Variants in AP3B1 observed in about 807,000 individuals in gnomAD.
The protein encoded by AP3B1 is AP-3 complex subunit beta-1.
AP3B1 carries 61 observed loss-of-function variants against 132.5 expected under a neutral mutation model. That is an observed-to-expected ratio of 0.46 (90% CI 0.37 to 0.57). AP3B1 has a LOEUF of 0.57. AP3B1 is among the 20% of genes least tolerant of loss of function. The pLI is 0.00. For missense variants in AP3B1, 1,120 were observed against 1,289.4 expected, an observed-to-expected ratio of 0.87 and a Z score of 2.01; for synonymous variants, 388 against 438.3, an observed-to-expected ratio of 0.89 and a Z score of 1.43.
intron 7 of AP3B1, among the ~76,000 whole-genome samples, chr5:78,213,175 G>C (rs145218966): frequency 2.0e-5 from 3 of 152,140 alleles, no homozygotes; most frequent in African/African-American, 7.2e-5. Context: ...CACCGCGCCC[G>C]GCCTCGTCTG....
At chr5:78,210,058 G>C (rs1362036768) in intron 7 of AP3B1, among the ~76,000 whole-genome samples, 1 of 152,030 alleles carries the variant, frequency 6.6e-6, no homozygotes. Flanking sequence ...TGAACCCTTT[G>C]TCAACAGTTA....
At chr5:78,111,839 G>A (rs1424056283) in intron 19 of AP3B1, among the ~76,000 whole-genome samples, 1 of 151,794 alleles carries the variant, frequency 6.6e-6, no homozygotes, top group Non-Finnish European at 1.5e-5. Flanking sequence ...ACTCTTCCTG[G>A]GTACATTATT....
chr5:78,181,658 T>A lies in AP3B1; in HGVS notation c.791A>T (p.Asp264Val). 1 of 1,611,870 alleles carries A rather than the reference T, an allele frequency of 6.2e-7. No individual in the cohort carries two copies. The highest frequency in any genetic ancestry group is 8.5e-7 in the Non-Finnish European group (1 of 1,179,394). The change falls in exon 8 of 27, where the codon GAT becomes GTT. Residue 264 changes from aspartate to valine, a missense_variant. This residue lies in a region of AP3B1 where 906 missense variants were observed against 997.1 expected (regional missense o/e 0.91). Coordinates refer to ENST00000255194, the MANE Select transcript of AP3B1 (RefSeq NM_003664.5). ...TQFVSPWKEG[D>V]ELEDNGKNFY... ...ATTCTTTCCATTGTCTTCTAATTCA[T>A]CACCCTACAATGAAAGAAATCCAAC...
intron 7 of AP3B1, among the ~76,000 whole-genome samples, chr5:78,190,612 C>A (rs1367319504): frequency 6.6e-6 from 1 of 152,114 alleles, no homozygotes; most frequent in Non-Finnish European, 1.5e-5. Context: ...GGCTCTATGA[C>A]CATGACAAAT....
chr5:78,199,202 A>C (rs1745192794), intron 7 of AP3B1, among the ~76,000 whole-genome samples: 1 of 152,200 alleles, frequency 6.6e-6, no homozygotes, highest in Admixed American at 6.5e-5. Context: ...ATTTCTTATG[A>C]CTAGATTCAG....
chr5:78,290,970 C>T (rs1207684761), intron 1 of AP3B1, among the ~76,000 whole-genome samples: 1 of 151,874 alleles, frequency 6.6e-6, no homozygotes, highest in Admixed American at 6.6e-5. Flanking sequence ...AATAAGAGTA[C>T]AAAAATAAGT....
chr5:78,151,179 A>G (rs1753634465), intron 14 of AP3B1, among the ~76,000 whole-genome samples: 2 of 152,182 alleles, frequency 1.3e-5, no homozygotes, highest in Admixed American at 1.3e-4. Flanking sequence ...TTGGCCTCCC[A>G]AAGTGTTAGT....
At chr5:78,134,484 A>C (rs1752822881) in intron 15 of AP3B1, among the ~76,000 whole-genome samples, 1 of 152,188 alleles carries the variant, frequency 6.6e-6, no homozygotes, top group Admixed American at 6.5e-5. Flanking sequence ...TAGAATTCTT[A>C]ACTTACACCA....
At chr5:78,290,738 T>G (rs1554036375) in intron 1 of AP3B1, among the ~76,000 whole-genome samples, 1 of 152,030 alleles carries the variant, frequency 6.6e-6, no homozygotes, top group Non-Finnish European at 1.5e-5. Flanking sequence ...TGCTTGAGCC[T>G]AGGAGTTCAA....
At chr5:78,043,925 CT>C in intron 22 of AP3B1, 1 of 343,414 alleles carries the variant, frequency 2.9e-6, no homozygotes, top group South Asian at 2.8e-5. Context: ...ATGATGTTAA[CT>C]TCCAGCTCTT....
At chr5:78,236,124 T>A (rs940912166) in intron 3 of AP3B1, among the ~76,000 whole-genome samples, 2 of 152,208 alleles carry the variant, frequency 1.3e-5, no homozygotes, top group Non-Finnish European at 2.9e-5. Context: ...TATTGACATT[T>A]TTGTAACAGA....
At chr5:78,243,381 G>T (rs1261573628) in intron 2 of AP3B1, among the ~76,000 whole-genome samples, 2 of 152,114 alleles carry the variant, frequency 1.3e-5, no homozygotes, top group Non-Finnish European at 2.9e-5. Flanking sequence ...TCCGCAGAAC[G>T]TTATTCAAAT....
intron 22 of AP3B1, among the ~76,000 whole-genome samples, chr5:78,053,312 T>C (rs2112128372): frequency 1.3e-5 from 2 of 152,276 alleles, no homozygotes; most frequent in Middle Eastern, 6.8e-3. Flanking sequence ...GAAAATACTT[T>C]TAAATCTTTT....
chr5:78,093,425 A>AG (rs1209878350), intron 21 of AP3B1, among the ~76,000 whole-genome samples: 4 of 152,220 alleles, frequency 2.6e-5, no homozygotes, highest in Non-Finnish European at 4.4e-5. Flanking sequence ...CCAATTTGGA[A>AG]GGGGGGATTT....
chr5:78,221,230 G>T (rs1056122915), intron 6 of AP3B1, among the ~76,000 whole-genome samples: 8 of 152,234 alleles, frequency 5.3e-5, no homozygotes, highest in South Asian at 2.1e-4. Flanking sequence ...AATCTTGCAA[G>T]CTACCTCAAA....
chr5:78,264,032 G>T (rs1227323782), intron 2 of AP3B1, among the ~76,000 whole-genome samples: 1 of 152,056 alleles, frequency 6.6e-6, no homozygotes, highest in Non-Finnish European at 1.5e-5. Context: ...ATGCCATATA[G>T]CCTAAGTGTG....
At position 78,110,259 on chromosome 5, in the gene AP3B1, G is replaced by C. The variant is rs143589037; in HGVS notation, c.2345C>G (p.Ser782Cys). ...SSSIEDSSSD[S>C]ESESEPESES... ...ACTTTCAGGTTCTGACTCTGATTCA[G>C]AATCGGAAGAACTGTCTTCTATTGA... The change falls in exon 20 of 27, where the codon TCT becomes TGT. Residue 782 changes from serine (S) to cysteine (C), a missense_variant. Physicochemically the swap from Ser to Cys is moderately radical, Grantham distance 112 (BLOSUM62 -1). Around this residue, in one of 3 missense-constraint regions of AP3B1, gnomAD observed 906 missense variants for 997.1 expected, o/e 0.91. Transcript: ENST00000255194. 3 of 1,608,772 alleles carry C rather than the reference G, an allele frequency of 1.9e-6. No individual in the cohort carries two copies. Among genetic ancestry groups the C allele is most frequent in the Non-Finnish European group, 1.7e-6 (2 of 1,176,740 alleles).
At chr5:78,059,841 C>T (rs1269200003) in intron 22 of AP3B1, among the ~76,000 whole-genome samples, 1 of 152,076 alleles carries the variant, frequency 6.6e-6, no homozygotes, top group African/African-American at 2.4e-5. Flanking sequence ...CCTCTTTACC[C>T]CCTTTATTTA....
chr5:78,205,543 C>A (rs1745469306), intron 7 of AP3B1, among the ~76,000 whole-genome samples: 2 of 151,856 alleles, frequency 1.3e-5, no homozygotes, highest in Admixed American at 6.6e-5. Flanking sequence ...GCTCTGGAAG[C>A]AATTATTTGT....
Sources: gnomAD v4.1 joint callset for allele counts (sites outside exome capture counted in the v4.1 genomes callset) on GRCh38, gnomAD v4.1.1 for gene constraint, gnomAD v4.1.1 regional missense constraint, MANE v1.5 for transcripts, NCBI Gene and HGNC (gene_info 2026-07-23, HGNC 2026-07-21) for gene names.